PDZD2: variants seen among roughly 807,000 people sequenced by gnomAD.
PDZD2 encodes the protein PDZ domain containing 2, also known as PDZ domain-containing protein 2.
A neutral mutation model predicts 220.7 loss-of-function variants in PDZD2; 90 were observed. The observed-to-expected ratio is 0.41, with a 90% CI of 0.34 to 0.49. PDZD2 has a LOEUF of 0.49. Ranked by LOEUF, PDZD2 falls within the 20% of genes least tolerant of loss-of-function variation. PDZD2 has a pLI of 0.28. For missense variants in PDZD2, 3,174 were observed against 3,608.5 expected (o/e 0.88, Z 3.08); for synonymous variants, 1,375 against 1,450.5 (o/e 0.95, Z 1.18).
chr5:31,687,662 A>G (rs1316692466), intron 1 of PDZD2, among the ~76,000 whole-genome samples: 2 of 151,342 alleles, frequency 1.3e-5, no homozygotes, highest in African/African-American at 4.9e-5. Flanking sequence ...CTTAAATAAC[A>G]GAAAAGTATT....
chr5:31,664,545 AC>A (rs1398765393), intron 1 of PDZD2, among the ~76,000 whole-genome samples: 2 of 152,090 alleles, frequency 1.3e-5, no homozygotes, highest in African/African-American at 4.8e-5. Flanking sequence ...CTAAATTTCT[AC>A]ACCAAAGCCA....
In PDZD2 at chr5:32,074,165, G is replaced by C. The variant is rs369273666; in HGVS notation, c.3059G>C (p.Arg1020Pro). Residue 1020 changes from arginine to proline, a missense_variant, in exon 18 of 25, where the codon CGA (arginine) becomes CCA (proline). Around this residue, in one of 4 missense-constraint regions of PDZD2, gnomAD observed 1,861 missense variants for 2,001.0 expected, o/e 0.93. Transcript: ENST00000438447. ...KGMDVHNQEERPRKTLVSKAI... is the reference protein window; with the variant it reads ...KGMDVHNQEEPPRKTLVSKAI... ...ATGGACGTCCACAACCAAGAGGAAC[G>C]ACCCCGGAAAACACTGGTGAGCAAG... 13 of 1,614,034 alleles carry C rather than the reference G, an allele frequency of 8.1e-6. No homozygotes were observed. The highest frequency in any genetic ancestry group is 1.1e-5 in the Non-Finnish European group (13 of 1,180,018).
At chr5:31,781,620 A>G (rs907664054) in intron 1 of PDZD2, among the ~76,000 whole-genome samples, 1 of 152,230 alleles carries the variant, frequency 6.6e-6, no homozygotes, top group Non-Finnish European at 1.5e-5. Context: ...AAATGAAACT[A>G]ATAGAATCAG....
chr5:31,804,338 C>G (rs1754587278), intron 2 of PDZD2, among the ~76,000 whole-genome samples: 1 of 152,166 alleles, frequency 6.6e-6, no homozygotes, highest in Non-Finnish European at 1.5e-5. Context: ...GCAAGGAATC[C>G]TCAAGTCCTG....
chr5:31,959,288 G>A (rs1748005425), intron 2 of PDZD2, among the ~76,000 whole-genome samples: 1 of 148,556 alleles, frequency 6.7e-6, no homozygotes, highest in African/African-American at 2.5e-5. Flanking sequence ...AACTTAAAAT[G>A]ACTTTGTTAT....
At chr5:31,665,637 T>A (rs1450913396) in intron 1 of PDZD2, among the ~76,000 whole-genome samples, 15 of 17,520 alleles carry the variant, frequency 8.6e-4, no homozygotes, top group Admixed American at 7.0e-3. Context: ...TGTTTGGAAG[T>A]TCCCCCTCCC....
At chr5:31,807,256 G>A (rs897517370) in intron 2 of PDZD2, among the ~76,000 whole-genome samples, 34 of 152,250 alleles carry the variant, frequency 2.2e-4, no homozygotes, top group Middle Eastern at 3.4e-3. Flanking sequence ...AGTAATAAAC[G>A]TGAGCAGAGC....
intron 2 of PDZD2, among the ~76,000 whole-genome samples, chr5:31,852,789 G>T (rs1758134332): frequency 6.6e-6 from 1 of 152,062 alleles, no homozygotes; most frequent in South Asian, 2.1e-4. Context: ...CAGAGATGGG[G>T]TTTCACCATG....
chr5:32,103,071 TAAAG>T (rs1309016172), intron 24 of PDZD2, among the ~76,000 whole-genome samples: 5 of 151,418 alleles, frequency 3.3e-5, no homozygotes, highest in African/African-American at 4.9e-5. Flanking sequence ...TATAGGGAAA[TAAAG>T]AGATGACTAC....
intron 2 of PDZD2, among the ~76,000 whole-genome samples, chr5:31,905,307 CCTTT>C (rs997261421): frequency 4.6e-5 from 7 of 152,098 alleles, no homozygotes; most frequent in Non-Finnish European, 1.0e-4. Flanking sequence ...GATCAGTGTC[CCTTT>C]CTTCTTTTTT....
At chr5:31,648,004 A>G (rs1041804743) in intron 1 of PDZD2, among the ~76,000 whole-genome samples, 1 of 152,222 alleles carries the variant, frequency 6.6e-6, no homozygotes, top group Admixed American at 6.5e-5. Context: ...GGAGGGCAGC[A>G]TGGCTGGGGA....
At chr5:31,731,136 A>G (rs1217509987) in intron 1 of PDZD2, among the ~76,000 whole-genome samples, 1 of 152,176 alleles carries the variant, frequency 6.6e-6, no homozygotes, top group Non-Finnish European at 1.5e-5. Flanking sequence ...TTCAGAGGCT[A>G]AAGAGCCTTT....
In PDZD2 at chr5:32,089,097, G is replaced by T; in HGVS notation, c.5649G>T (p.Pro1883=). ...LTNGQKAKCG[P]KLKRLSLKGK... ...ATGGTCAGAAGGCAAAGTGTGGTCC[G>T]AAGCTGAAGAGGCTCAGCCTCAAGG... The change falls in exon 20 of 25, where the codon CCG becomes CCT. Residue 1883 remains proline, a synonymous_variant. Coordinates refer to ENST00000438447, the MANE Select transcript of PDZD2 (RefSeq NM_178140.4). 2 of 1,614,064 alleles carry T rather than the reference G, an allele frequency of 1.2e-6. No individual in the cohort carries two copies. Among genetic ancestry groups the T allele is most frequent in the South Asian group, 2.2e-5 (2 of 91,084 alleles).
intron 2 of PDZD2, among the ~76,000 whole-genome samples, chr5:31,889,876 C>G (rs1396765417): frequency 6.6e-6 from 1 of 152,026 alleles, no homozygotes; most frequent in African/African-American, 2.4e-5. Context: ...CAAAAATTAG[C>G]CGGGTGTGGT....
chr5:31,843,899 G>A (rs1757456827), intron 2 of PDZD2: 1 of 152,190 alleles, frequency 6.6e-6, no homozygotes, highest in East Asian at 1.9e-4. Flanking sequence ...AATTATTCAA[G>A]GTTCTATCTG....
chr5:31,983,086 G>A (rs1205986224), intron 2 of PDZD2, 69 bp from the exon 3 acceptor site: 33 of 1,508,290 alleles, frequency 2.2e-5, no homozygotes, highest in Middle Eastern at 4.2e-4. Flanking sequence ...ACCCTTGAAC[G>A]CGTCTGTCTG....
chr5:32,108,145 A>G lies in PDZD2; in HGVS notation c.*10A>G. The G allele has an allele frequency of 6.4e-7, 1 of 1,570,062 alleles. No individual in the cohort carries two copies. Among genetic ancestry groups the G allele is most frequent in the Non-Finnish European group, 8.7e-7 (1 of 1,150,060 alleles). On this transcript the variant is annotated 3_prime_UTR_variant, in exon 25 of 25. Coordinates refer to ENST00000438447, the MANE Select transcript of PDZD2 (RefSeq NM_178140.4). ...TAGGAATTCTTCATGAATTTTAACA[A>G]GAATCATTTTCTCAGTTCTCTTCTT...
At chr5:31,796,010 C>G (rs575427173) in intron 1 of PDZD2, among the ~76,000 whole-genome samples, 7 of 152,286 alleles carry the variant, frequency 4.6e-5, no homozygotes, top group Admixed American at 1.3e-4. Context: ...CTTCTAGGGC[C>G]TGAGGGTGGG....
intron 1 of PDZD2, among the ~76,000 whole-genome samples, chr5:31,705,260 G>T (rs1168477792): frequency 6.6e-6 from 1 of 151,634 alleles, no homozygotes; most frequent in South Asian, 2.1e-4. Context: ...GAAGTTTACC[G>T]TCTACTCCCA....
Sources: allele counts gnomAD v4.1 joint callset (sites outside exome capture counted in the v4.1 genomes callset), GRCh38; gene constraint gnomAD v4.1.1; regional missense constraint gnomAD v4.1.1; transcripts MANE v1.5; gene names NCBI Gene and HGNC (gene_info 2026-07-23, HGNC 2026-07-21).